The following NECAB3 variants were observed in gnomAD, a reference collection of about 807,000 sequenced individuals.
NECAB3 encodes N-terminal EF-hand calcium-binding protein 3.
A neutral mutation model predicts 57.2 loss-of-function variants in NECAB3; 38 were observed. The ratio of observed to expected loss-of-function variants is 0.66; its 90% CI spans 0.51 to 0.87. NECAB3 has a LOEUF of 0.87. Ranked by LOEUF, NECAB3 falls within the 40% of genes least tolerant of loss-of-function variation. The pLI is 0.00. For missense variants in NECAB3, 474 were observed against 527.5 expected (o/e 0.90, Z 0.99); for synonymous variants, 223 against 222.6 (o/e 1.00, Z -0.02).
Position 33,674,251 on chromosome 20 carries a change from C to G in NECAB3, c.102G>C (p.Gly34=). The G allele has an allele frequency of 1.6e-6, 2 of 1,236,530 alleles. No individual in the cohort carries two copies. The highest frequency in any genetic ancestry group is 3.1e-5 in the African/African-American group (2 of 64,502). 76.6% of individuals were successfully genotyped at this position (1,236,530 alleles called of 1,614,324 possible). A position where few individuals can be genotyped will look rare whatever the true frequency, so the allele number is the denominator to read the frequency against. ...PRHPQLAPDP[G]PAGHTLFQDV... Reference sequence around the variant, plus strand: ...CCTGGAAGAGCGTGTGTCCGGCGGGCCCCGGGTCGGGCGCGAGCTGGGGGT... The same window carrying G: ...CCTGGAAGAGCGTGTGTCCGGCGGGGCCCGGGTCGGGCGCGAGCTGGGGGT... The change falls in exon 1 of 12, where the codon GGG becomes GGC. Residue 34 remains glycine, a synonymous_variant. Coordinates refer to ENST00000246190, the MANE Select transcript of NECAB3 (RefSeq NM_031232.4).
At chr20:33,668,245 G>A in intron 5 of NECAB3, 3 of 1,568,534 alleles carry the variant, frequency 1.9e-6, no homozygotes, top group Non-Finnish European at 2.6e-6. Flanking sequence ...AGTCAGGCTG[G>A]ACTGGGGGGG....
intron 2 of NECAB3, 150 bp downstream of exon 2, chr20:33,672,248 T>C (rs1296637168): frequency 1.1e-6 from 1 of 928,290 alleles, no homozygotes; most frequent in Non-Finnish European, 1.7e-6. Flanking sequence ...CAGCACTTCC[T>C]CTGGGAAGTG....
At position 33,660,697 on chromosome 20, in the gene NECAB3, A is replaced by AC. The variant is rs1433778958; in HGVS notation, c.388-303dup. Among the ~76,000 whole-genome samples the AC allele has an allele frequency of 6.6e-6, 1 of 152,112 alleles. No homozygotes were observed. Among genetic ancestry groups the AC allele is most frequent in the Non-Finnish European group, 1.5e-5 (1 of 67,984 alleles). On this transcript the variant is annotated intron_variant, in intron 5 of 11. Transcript: ENST00000246190. The surrounding 1 kb of genome is among the most constrained non-coding windows in gnomAD (Gnocchi z 4.1). Reference sequence around the variant, plus strand: ...CCCTGATGGGGCTACCACCTTCAGCACTGTCATAGCCAGTGAGTCCCAGCC... The same window carrying AC: ...CCCTGATGGGGCTACCACCTTCAGCACCTGTCATAGCCAGTGAGTCCCAGCC...
rs753382235 is a variant in NECAB3 at position 33,659,548 on chromosome 20, G to A, written c.828C>T (p.Ala276=). Residue 276 remains alanine, a synonymous_variant, in exon 8 of 12, where the codon GCC becomes GCT. Transcript: ENST00000246190. ...RPGPHSVPSQ[A]PRLEPLREED... is the part of the protein sequence containing the mutation. ...CTTCACGCAGGGGTTCCAGCCGGGG[G>A]GCCTGTGAGGGCACAGAGTGTGGGC... is the stretch of plus-strand genomic sequence containing the variant. 15 of 1,557,608 alleles carry A rather than the reference G, an allele frequency of 9.6e-6. No homozygotes were observed. The Admixed American group carries it at 2.8e-4, about 30-fold the overall frequency.
chr20:33,660,068 G>T lies in NECAB3; in HGVS notation c.525-65C>A. On this transcript the variant is annotated intron_variant, in intron 6 of 11. Coordinates refer to ENST00000246190, the MANE Select transcript of NECAB3 (RefSeq NM_031232.4). This position sits in a 1 kb window ranked among gnomAD's most constrained non-coding sequence, Gnocchi z 4.1. ...CCAGGACGGGATAAGCCTGGGTGGG[G>T]AAGACAAGCCTCCTGGGACTCCGAG... 6.5e-7 allele frequency: 1 copy of T among 1,532,760 alleles called. No homozygotes were observed. Among genetic ancestry groups the T allele is most frequent in the Non-Finnish European group, 8.8e-7 (1 of 1,139,644 alleles). 94.9% of individuals were successfully genotyped at this position (1,532,760 alleles called of 1,614,324 possible). A position where few individuals can be genotyped will look rare whatever the true frequency, so the allele number is the denominator to read the frequency against.
At chr20:33,668,089 C>CA (rs1451423737) in intron 5 of NECAB3, 1 of 1,598,270 alleles carries the variant, frequency 6.3e-7, no homozygotes, top group Non-Finnish European at 8.5e-7. Flanking sequence ...CCTGCGGCCC[C>CA]ACCTGGTGGC....
upstream of NECAB3, chr20:33,674,431 C>A: frequency 1.9e-6 from 2 of 1,059,956 alleles, no homozygotes; most frequent in South Asian, 4.5e-5. Flanking sequence ...GGCTAGAGGC[C>A]GCCCCTTGGC....
intron 5 of NECAB3, chr20:33,667,345 G>T: frequency 2.0e-6 from 2 of 1,014,812 alleles, no homozygotes; most frequent in Non-Finnish European, 2.6e-6. Flanking sequence ...GGAGGCGCTG[G>T]AAGGGCTGTG....
At position 33,674,363 on chromosome 20, in the gene NECAB3, C is replaced by A. The variant is rs2017905371; in HGVS notation, c.-11G>T. ...CCCCGCGCACGCCATGGCGCCGCCA[C>A]CCGCTCGGGCTCGGCTGCGGTTGCT... On this transcript the variant is annotated 5_prime_UTR_variant, in exon 1 of 12. Transcript: ENST00000246190. The A allele has an allele frequency of 2.5e-6, 3 of 1,176,698 alleles. No homozygotes were observed. Among genetic ancestry groups the A allele is most frequent in the African/African-American group, 1.6e-5 (1 of 62,196 alleles). 72.9% of individuals were successfully genotyped at this position (1,176,698 alleles called of 1,614,324 possible).
At chr20:33,670,998 A>G (rs2017817882) in intron 2 of NECAB3, among the ~76,000 whole-genome samples, 1 of 152,184 alleles carries the variant, frequency 6.6e-6, no homozygotes, top group African/African-American at 2.4e-5. Flanking sequence ...AGGCAACAGA[A>G]CCTACTTTGC....
chr20:33,674,175 C>T, intron 1 of NECAB3, 49 bp downstream of exon 1: 1 of 1,245,954 alleles, frequency 8.0e-7, no homozygotes, highest in Non-Finnish European at 1.0e-6. Flanking sequence ...GTGAGACTAA[C>T]AGAGACTCGG....
rs1170252874 is a variant in NECAB3 at position 33,674,343 on chromosome 20, C to G, written c.10G>C (p.Ala4Pro). Residue 4 changes from alanine to proline, a missense_variant, in exon 1 of 12, where the codon GCG (alanine) becomes CCG (proline). Transcript: ENST00000246190. ...AGCAGGCACACGGTGAGCAGCCCCG[C>G]GCACGCCATGGCGCCGCCACCCGCT... MAC[A>P]GLLTVCLLRP... 8.3e-7 allele frequency: 1 copy of G among 1,199,952 alleles called. No homozygotes were observed. Among genetic ancestry groups the G allele is most frequent in the Non-Finnish European group, 1.0e-6 (1 of 967,414 alleles). 74.3% of individuals were successfully genotyped at this position (1,199,952 alleles called of 1,614,324 possible).
chr20:33,663,011 C>T (rs1016269897), intron 5 of NECAB3, among the ~76,000 whole-genome samples: 24 of 152,146 alleles, frequency 1.6e-4, no homozygotes, highest in Admixed American at 1.3e-3. Context: ...TTGAGAGCCC[C>T]GGGGGGTGAG....
In NECAB3 at chr20:33,672,515, TA is replaced by T. The variant is rs2017849157; in HGVS notation, c.130-94del. The T allele has an allele frequency of 4.1e-6, 6 of 1,472,368 alleles. No individual in the cohort carries two copies. In the Admixed American group the frequency reaches 8.5e-5, roughly 21 times the overall value. The allele number at this position is 1,472,368 out of a possible 1,614,324, so 91.2% of individuals were successfully genotyped here. On this transcript the variant is annotated intron_variant, in intron 1 of 11. Coordinates refer to ENST00000246190, the MANE Select transcript of NECAB3 (RefSeq NM_031232.4). Reference sequence around the variant, plus strand: ...CCGACAGGGTCCCAGCTGGCCGACCTACCCCCTGCCTCGCCTTTCCTCCCGC... The same window carrying T: ...CCGACAGGGTCCCAGCTGGCCGACCTCCCCCTGCCTCGCCTTTCCTCCCGC...
At chr20:33,659,214 G>A (rs1348480406) in intron 8 of NECAB3, among the ~76,000 whole-genome samples, 2 of 152,106 alleles carry the variant, frequency 1.3e-5, no homozygotes, top group Non-Finnish European at 2.9e-5. Context: ...GCTTGATCCA[G>A]CCACTGTTCC....
chr20:33,658,805 C>T lies in NECAB3; in HGVS notation c.909G>A (p.Gln303=). The change falls in exon 9 of 12, where the codon CAG becomes CAA. Residue 303 remains glutamine, a synonymous_variant. Coordinates refer to ENST00000246190, the MANE Select transcript of NECAB3 (RefSeq NM_031232.4). ...LHILMAQRQV[Q]VAEEGLQDFH... ...AGTCCTGCAGGCCTTCCTCTGCCAC[C>T]TGGACCTGCCTCTGGGCCATGAGGA... The T allele has an allele frequency of 6.2e-7, 1 of 1,613,046 alleles. No individual in the cohort carries two copies. The highest frequency in any genetic ancestry group is 8.5e-7 in the Non-Finnish European group (1 of 1,179,896).
At position 33,658,790 on chromosome 20, in the gene NECAB3, G is replaced by A. The variant is rs775253537; in HGVS notation, c.924C>T (p.Gly308=). 2 of 1,613,316 alleles carry A rather than the reference G, an allele frequency of 1.2e-6. No individual in the cohort carries two copies. The highest frequency in any genetic ancestry group is 8.5e-7 in the Non-Finnish European group (1 of 1,179,950). ...GCAGGGCTCGGTGGAAGTCCTGCAG[G>A]CCTTCCTCTGCCACCTGGACCTGCC... ...AQRQVQVAEE[G]LQDFHRALRC... Residue 308 remains glycine (G), a synonymous_variant, in exon 9 of 12, where the codon GGC becomes GGT. Transcript: ENST00000246190.
At chr20:33,658,259 C>T (rs1205683894) in intron 10 of NECAB3, among the ~76,000 whole-genome samples, 1 of 152,152 alleles carries the variant, frequency 6.6e-6, no homozygotes, top group Non-Finnish European at 1.5e-5. Flanking sequence ...CCTCCTGTGT[C>T]CCTGTGCTGT....
chr20:33,662,168 T>G, intron 5 of NECAB3: 8 of 763,122 alleles, frequency 1.0e-5, no homozygotes, highest in Non-Finnish European at 1.7e-5. Flanking sequence ...GTTTTACAGC[T>G]GAGAAACCAA....
Sources: allele counts gnomAD v4.1 joint callset (sites outside exome capture counted in the v4.1 genomes callset), GRCh38; gene constraint gnomAD v4.1.1; non-coding constraint Gnocchi (gnomAD v3.1); transcripts MANE v1.5; gene names NCBI Gene and HGNC (gene_info 2026-07-23, HGNC 2026-07-21).